The following EYA1 variants were observed in gnomAD, a reference collection of about 807,000 sequenced individuals.
The protein encoded by EYA1 is EYA transcriptional coactivator and phosphatase 1.
In EYA1, 16 loss-of-function variants were observed where a neutral mutation model predicts 82.0. That is an observed-to-expected ratio of 0.20 (90% confidence interval 0.13 to 0.30). EYA1 has a LOEUF of 0.30. EYA1 is among the 10% of genes least tolerant of loss of function. EYA1 has a pLI of 1.00. For missense variants in EYA1, 633 were observed against 730.7 expected, an observed-to-expected ratio of 0.87 and a Z score of 1.54; for synonymous variants, 261 against 264.4, an observed-to-expected ratio of 0.99 and a Z score of 0.12.
At chr8:71,241,042 G>A (rs1229864828) in intron 12 of EYA1, among the ~76,000 whole-genome samples, 4 of 152,132 alleles carry the variant, frequency 2.6e-5, no homozygotes, top group East Asian at 1.9e-4. Context: ...TATGCAGGAC[G>A]TTAGTCAGAC....
chr8:71,545,604 C>A (rs762834097), intron 1 of EYA1, among the ~76,000 whole-genome samples: 8 of 143,018 alleles, frequency 5.6e-5, no homozygotes, highest in Non-Finnish European at 1.2e-4. Context: ...CTCTGTCGCC[C>A]AGGCTGGAGT....
chr8:71,228,641 G>A lies in EYA1; in HGVS notation c.1141-11618C>T, dbSNP rs548181800. 2.0e-5 allele frequency among the ~76,000 whole-genome samples: 3 copies of A among 152,292 alleles called. No individual in the cohort carries two copies. In the South Asian group the frequency reaches 6.2e-4, roughly 32 times the overall value. On this transcript the variant is annotated intron_variant, in intron 12 of 17. Transcript: ENST00000340726. Reference sequence around the variant, plus strand: ...GTGTTATATATTAAACTGTAGCAGTGTCACTAGAAAATACATAACCACATG... The same window carrying A: ...GTGTTATATATTAAACTGTAGCAGTATCACTAGAAAATACATAACCACATG...
chr8:71,231,438 A>G (rs1457119716), intron 12 of EYA1, among the ~76,000 whole-genome samples: 1 of 152,096 alleles, frequency 6.6e-6, no homozygotes, highest in Non-Finnish European at 1.5e-5. Flanking sequence ...CTCTGTTCCT[A>G]AATGTCATGC....
chr8:71,203,992 T>C (rs6472568), intron 17 of EYA1, among the ~76,000 whole-genome samples: 70,974 of 151,992 alleles, frequency 0.47, 19,050 homozygotes, highest in East Asian at 0.78. Context: ...ACATGGGATA[T>C]TTACCCAGAG....
chr8:71,469,375 C>G (rs1040001059), intron 2 of EYA1, among the ~76,000 whole-genome samples: 2 of 152,024 alleles, frequency 1.3e-5, no homozygotes, highest in African/African-American at 4.8e-5. Context: ...AGATATACAA[C>G]TTCTTTATAC....
At chr8:71,311,040 A>C (rs892262017) in intron 7 of EYA1, among the ~76,000 whole-genome samples, 3 of 152,212 alleles carry the variant, frequency 2.0e-5, no homozygotes, top group Non-Finnish European at 2.9e-5. Context: ...AATTGTTTGC[A>C]CGTGAACTAC....
intron 3 of EYA1, among the ~76,000 whole-genome samples, chr8:71,353,001 C>T (rs1826456197): frequency 6.6e-6 from 1 of 152,180 alleles, no homozygotes; most frequent in Admixed American, 6.5e-5. Flanking sequence ...AAAAAATTAA[C>T]TACCAGTATT....
At chr8:71,365,909 T>A (rs969539418), upstream of EYA1, among the ~76,000 whole-genome samples, 1 of 152,228 alleles carries the variant, frequency 6.6e-6, no homozygotes, top group African/African-American at 2.4e-5. Context: ...TGAAATGTTT[T>A]CCATTCAAAC....
intron 2 of EYA1, among the ~76,000 whole-genome samples, chr8:71,451,333 G>A (rs1807356496): frequency 6.6e-6 from 1 of 152,158 alleles, no homozygotes; most frequent in Non-Finnish European, 1.5e-5. Context: ...AAAATTTTCT[G>A]TGAATGGATT....
intron 16 of EYA1, among the ~76,000 whole-genome samples, chr8:71,211,994 A>G (rs1808577027): frequency 6.6e-6 from 1 of 152,202 alleles, no homozygotes; most frequent in African/African-American, 2.4e-5. Context: ...TTCCCGTGTC[A>G]TGACTTAGTT....
intron 12 of EYA1, among the ~76,000 whole-genome samples, chr8:71,223,815 G>C (rs185708090): frequency 6.2e-4 from 95 of 152,338 alleles, no homozygotes; most frequent in African/African-American, 2.2e-3. Flanking sequence ...ATTTTGTACA[G>C]AGGCTCATAT....
At chr8:71,292,685 T>C (rs895827574) in intron 9 of EYA1, among the ~76,000 whole-genome samples, 1 of 151,908 alleles carries the variant, frequency 6.6e-6, no homozygotes, top group African/African-American at 2.4e-5. Flanking sequence ...ATATACATCA[T>C]TAAAAGGGAG....
At chr8:71,299,987 G>A in intron 7 of EYA1, among the ~76,000 whole-genome samples, 1 of 152,078 alleles carries the variant, frequency 6.6e-6, no homozygotes, top group East Asian at 1.9e-4. Flanking sequence ...AAAAATATTA[G>A]ACAATGAACT....
intron 12 of EYA1, among the ~76,000 whole-genome samples, chr8:71,241,785 T>C (rs1320683949): frequency 1.3e-5 from 2 of 152,080 alleles, no homozygotes; most frequent in Admixed American, 6.5e-5. Flanking sequence ...ATAATTCTGG[T>C]GTTCTTAGGA....
chr8:71,502,894 A>G (rs1404314647), intron 2 of EYA1, among the ~76,000 whole-genome samples: 2 of 152,246 alleles, frequency 1.3e-5, no homozygotes, highest in Non-Finnish European at 2.9e-5. Context: ...CCAAGGGTAC[A>G]GGGCATTTTC....
intron 2 of EYA1, among the ~76,000 whole-genome samples, chr8:71,430,718 C>T (rs756538656): frequency 6.6e-6 from 1 of 152,042 alleles, no homozygotes; most frequent in Non-Finnish European, 1.5e-5. Context: ...GGGGTGGGTG[C>T]TGTAAAGGTT....
intron 2 of EYA1, among the ~76,000 whole-genome samples, chr8:71,506,995 G>T (rs1271380526): frequency 6.6e-6 from 1 of 151,880 alleles, no homozygotes; most frequent in African/African-American, 2.4e-5. Context: ...ACAAGAGACT[G>T]GGAAATAACC....
intron 17 of EYA1, among the ~76,000 whole-genome samples, chr8:71,206,975 C>G (rs1807863643): frequency 6.6e-6 from 1 of 152,006 alleles, no homozygotes; most frequent in African/African-American, 2.4e-5. Flanking sequence ...CAACTGGTCT[C>G]AAACTCCTGA....
chr8:71,287,190 G>C (rs573011049), intron 9 of EYA1, among the ~76,000 whole-genome samples: 1 of 152,148 alleles, frequency 6.6e-6, no homozygotes, highest in African/African-American at 2.4e-5. Context: ...TAGATTCTCA[G>C]TGACTATTAC....
Sources: allele counts gnomAD v4.1 joint callset (sites outside exome capture counted in the v4.1 genomes callset), GRCh38; gene constraint gnomAD v4.1.1; transcripts MANE v1.5; gene names NCBI Gene and HGNC (gene_info 2026-07-23, HGNC 2026-07-21).